The following OR2L13 variants were observed in gnomAD, a reference collection of about 807,000 sequenced individuals.
OR2L13 encodes olfactory receptor family 2 subfamily L member 13.
OR2L13 carries 14 observed loss-of-function variants against 15.3 expected under a neutral mutation model. That is an observed-to-expected ratio of 0.91 (90% CI 0.60 to 1.43). The LOEUF (loss-of-function observed/expected upper bound fraction) is 1.43, where lower values mean the gene tolerates loss of function less well. Among genes scored for constraint, OR2L13 ranks in the 40% most tolerant of loss-of-function variants. The pLI, the probability that OR2L13 is intolerant of heterozygous loss-of-function variation, is 0.00. For missense variants in OR2L13, 367 were observed against 387.9 expected (o/e 0.95, Z 0.45); for synonymous variants, 152 against 142.9 (o/e 1.06, Z -0.45).
the OR2L13 span, among the ~76,000 whole-genome samples, chr1:247,960,228 A>T: frequency 0.8 from 121,227 of 151,918 alleles, 52,561 homozygotes; most frequent in South Asian, 0.95. Flanking sequence ...TTACCTGGGT[A>T]TCAGCAGCGG....
the OR2L13 span, among the ~76,000 whole-genome samples, chr1:247,963,948 G>A: frequency 6.6e-6 from 1 of 152,156 alleles, no homozygotes; most frequent in Non-Finnish European, 1.5e-5. Flanking sequence ...ATGATAAATT[G>A]AACACCTGTG....
the OR2L13 span, among the ~76,000 whole-genome samples, chr1:248,057,041 G>C: frequency 1.3e-5 from 2 of 152,182 alleles, no homozygotes; most frequent in South Asian, 4.1e-4. Flanking sequence ...ATTTGCTGAG[G>C]AGAGTTTTAC....
chr1:247,970,006 C>A, the OR2L13 span, among the ~76,000 whole-genome samples: 1 of 152,204 alleles, frequency 6.6e-6, no homozygotes, highest in Non-Finnish European at 1.5e-5. Context: ...AACTATACTT[C>A]AGTCAGTTAC....
the OR2L13 span, chr1:248,038,886 G>A: frequency 6.2e-7 from 1 of 1,613,994 alleles, no homozygotes; most frequent in Non-Finnish European, 8.5e-7. Flanking sequence ...CATCTTTCTT[G>A]TGCTTCCTTT....
chr1:248,005,928 C>T, the OR2L13 span, among the ~76,000 whole-genome samples: 9 of 152,038 alleles, frequency 5.9e-5, no homozygotes, highest in Non-Finnish European at 8.8e-5. Flanking sequence ...CAATGAGCAG[C>T]GTATATTTTT....
chr1:248,091,695 T>C (rs1183897864), upstream of OR2L13, among the ~76,000 whole-genome samples: 2 of 152,202 alleles, frequency 1.3e-5, no homozygotes, highest in Non-Finnish European at 2.9e-5. Context: ...CCTTGTAGTA[T>C]AGTTTGAAGT....
chr1:248,016,421 A>G, the OR2L13 span, among the ~76,000 whole-genome samples: 1 of 152,128 alleles, frequency 6.6e-6, no homozygotes, highest in East Asian at 1.9e-4. Flanking sequence ...GAAAATATGT[A>G]TGATTGTTGC....
the OR2L13 span, among the ~76,000 whole-genome samples, chr1:248,083,138 TATTTTAAAATATA>T: frequency 6.6e-6 from 1 of 152,226 alleles, no homozygotes; most frequent in Non-Finnish European, 1.5e-5. Flanking sequence ...CATGCAACTA[TATTTTAAAATATA>T]ATTTTAAAAT....
the OR2L13 span, among the ~76,000 whole-genome samples, chr1:248,000,123 G>GTGTGTGTGTGT: frequency 0.015 from 2,050 of 138,282 alleles, 43 homozygotes; most frequent in African/African-American, 0.051. Context: ...TTTTTTTTTT[G>GTGTGTGTGTGT]GTGTGTGTGT....
chr1:247,971,070 C>T, the OR2L13 span, among the ~76,000 whole-genome samples: 2 of 152,064 alleles, frequency 1.3e-5, no homozygotes, highest in African/African-American at 4.8e-5. Context: ...TTGATTTTAC[C>T]AAGTAAACAA....
At chr1:248,043,472 A>G in the OR2L13 span, among the ~76,000 whole-genome samples, 1 of 152,234 alleles carries the variant, frequency 6.6e-6, no homozygotes, top group East Asian at 1.9e-4. Flanking sequence ...AGAAATATTC[A>G]TGGGAGAAGA....
At chr1:248,099,739 T>C in exon 3 of OR2L13, 3 of 1,614,136 alleles carry the variant, frequency 1.9e-6, no homozygotes, top group Non-Finnish European at 2.5e-6. Flanking sequence ...CTACGACCGT[T>C]ATTTGGCCAT....
the OR2L13 span, among the ~76,000 whole-genome samples, chr1:247,941,687 A>G: frequency 1.3e-5 from 2 of 152,198 alleles, no homozygotes; most frequent in African/African-American, 4.8e-5. Context: ...AGACCTTGTC[A>G]TGAAAGAATT....
At chr1:248,075,987 A>G in the OR2L13 span, among the ~76,000 whole-genome samples, 1 of 152,180 alleles carries the variant, frequency 6.6e-6, no homozygotes, top group Admixed American at 6.5e-5. Flanking sequence ...TTTAGGTCTA[A>G]CATTTAAGTC....
the OR2L13 span, among the ~76,000 whole-genome samples, chr1:248,068,538 G>A: frequency 3.9e-5 from 6 of 152,158 alleles, no homozygotes; most frequent in Non-Finnish European, 8.8e-5. Flanking sequence ...AAAAAACAGA[G>A]CAGAAAAACT....
At chr1:248,067,630 CCAGA>C in the OR2L13 span, among the ~76,000 whole-genome samples, 2 of 152,152 alleles carry the variant, frequency 1.3e-5, no homozygotes, top group Non-Finnish European at 2.9e-5. Context: ...CTAGGGAGTG[CCAGA>C]CAGTGGGCAC....
At chr1:247,975,000 G>C in the OR2L13 span, 1 of 309,478 alleles carries the variant, frequency 3.2e-6, no homozygotes, top group Non-Finnish European at 6.6e-6. Context: ...TTTCTGTTTG[G>C]AAACAAGTCT....
chr1:248,072,095 A>G, the OR2L13 span, among the ~76,000 whole-genome samples: 5 of 151,646 alleles, frequency 3.3e-5, no homozygotes, highest in South Asian at 2.1e-4. Context: ...TCAAGCTACC[A>G]ATGACTTTCT....
the OR2L13 span, chr1:247,980,750 T>C: frequency 6.6e-6 from 1 of 152,192 alleles, no homozygotes; most frequent in Non-Finnish European, 1.5e-5. Context: ...ACCGGAATCA[T>C]GGTTGCTACT....
Sources: allele counts gnomAD v4.1 joint callset (sites outside exome capture counted in the v4.1 genomes callset), GRCh38; gene constraint gnomAD v4.1.1; transcripts MANE v1.5; gene names NCBI Gene and HGNC (gene_info 2026-07-23, HGNC 2026-07-21).